Variants in PMFBP1 observed in about 807,000 individuals in gnomAD.
The protein encoded by PMFBP1 is polyamine modulated factor 1 binding protein 1.
Under a neutral mutation model 137.8 loss-of-function variants are expected in PMFBP1, and 131 were observed. That is an observed-to-expected ratio of 0.95 (90% CI 0.82 to 1.10). The LOEUF (loss-of-function observed/expected upper bound fraction) is 1.10, where lower values mean the gene tolerates loss of function less well. Ranked by LOEUF, PMFBP1 falls within the 50% of genes least tolerant of loss-of-function variation. The pLI, the probability that PMFBP1 is intolerant of heterozygous loss-of-function variation, is 0.00. For missense variants in PMFBP1, 1,199 were observed against 1,175.4 expected (o/e 1.02, Z -0.29); for synonymous variants, 490 against 450.4 (o/e 1.09, Z -1.11).
chr16:72,187,335 C>A, the PMFBP1 span, among the ~76,000 whole-genome samples: 1 of 152,242 alleles, frequency 6.6e-6, no homozygotes, highest in Non-Finnish European at 1.5e-5. Context: ...ACATTCAACT[C>A]ATTGGGTTAA....
At chr16:72,124,205 C>G (rs1349427848) in intron 17 of PMFBP1, among the ~76,000 whole-genome samples, 1 of 152,182 alleles carries the variant, frequency 6.6e-6, no homozygotes, top group Non-Finnish European at 1.5e-5. Flanking sequence ...GAGATGAGGT[C>G]TTGCTATGTT....
intron 19 of PMFBP1, among the ~76,000 whole-genome samples, chr16:72,120,316 A>G (rs997232146): frequency 1.3e-5 from 2 of 151,986 alleles, no homozygotes; most frequent in Non-Finnish European, 2.9e-5. Flanking sequence ...CTCCTGCCCA[A>G]CTCTGCCAGC....
the PMFBP1 span, among the ~76,000 whole-genome samples, chr16:72,212,882 C>G: frequency 1.3e-5 from 2 of 152,166 alleles, no homozygotes; most frequent in Non-Finnish European, 2.9e-5. Context: ...ATCTTAATAG[C>G]TGTATTTCAT....
the PMFBP1 span, among the ~76,000 whole-genome samples, chr16:72,218,292 T>C: frequency 6.6e-6 from 1 of 152,184 alleles, no homozygotes; most frequent in Non-Finnish European, 1.5e-5. Context: ...AGAAATGCCT[T>C]GAAAAACTAT....
intron 1 of PMFBP1, 132 bp downstream of exon 1, chr16:72,171,922 A>G (rs987719492): frequency 2.0e-5 from 3 of 152,158 alleles, no homozygotes; most frequent in Non-Finnish European, 4.4e-5. Context: ...GAAACCAAAG[A>G]TCTTTGCACA....
Position 72,139,383 on chromosome 16 carries a change from T to G in PMFBP1, c.824A>C (p.Lys275Thr). ...CSNALVLERE[K>T]ALIKLQADFA... ...ATCGGCTTGTAGTTTTATCAAAGCC[T>G]TTTCACGCTCCAGAACCTGCAAATA... The change falls in exon 7 of 21, where the codon AAG (lysine) becomes ACG (threonine). Residue 275 changes from lysine (K) to threonine (T), a missense_variant. Lys to Thr is a moderately conservative substitution (Grantham distance 78). Coordinates refer to ENST00000237353, the MANE Select transcript of PMFBP1 (RefSeq NM_031293.3). 1.2e-6 allele frequency: 2 copies of G among 1,613,782 alleles called. No individual in the cohort carries two copies. Among genetic ancestry groups the G allele is most frequent in the Non-Finnish European group, 1.7e-6 (2 of 1,179,808 alleles).
At chr16:72,143,370 C>T (rs1181242236) in intron 5 of PMFBP1, among the ~76,000 whole-genome samples, 1 of 152,144 alleles carries the variant, frequency 6.6e-6, no homozygotes, top group East Asian at 1.9e-4. Flanking sequence ...TAGGAAAATC[C>T]AAGACAGTCA....
rs765489875 is a variant in PMFBP1, at chr16:72,130,251, T to A, written c.1744A>T (p.Met582Leu). The change falls in exon 12 of 21, where the codon ATG becomes TTG. Residue 582 changes from methionine to leucine, a missense_variant. Physicochemically the swap from Met to Leu is conservative, Grantham distance 15 (BLOSUM62 2). Coordinates refer to ENST00000237353, the MANE Select transcript of PMFBP1 (RefSeq NM_031293.3). Reference protein sequence around the residue: ...QLQKTVAEQDMKMNDMLDRIK... With the variant: ...QLQKTVAEQDLKMNDMLDRIK... ...CGATCAAGCATGTCATTCATTTTCA[T>A]ATCCTGCTCAGCCACTGTCTTCTGA... 1 of 1,614,024 alleles carries A rather than the reference T, an allele frequency of 6.2e-7. No individual in the cohort carries two copies. Among genetic ancestry groups the A allele is most frequent in the Non-Finnish European group, 8.5e-7 (1 of 1,180,044 alleles).
intron 5 of PMFBP1, 41 bp downstream of exon 5, chr16:72,150,567 C>T (rs756462264): frequency 1.9e-6 from 3 of 1,588,498 alleles, no homozygotes; most frequent in Non-Finnish European, 2.6e-6. Context: ...CCTGGGAGCA[C>T]ATCCACTTGC....
the PMFBP1 span, among the ~76,000 whole-genome samples, chr16:72,194,164 A>C: frequency 6.6e-6 from 1 of 152,278 alleles, no homozygotes; most frequent in Non-Finnish European, 1.5e-5. Context: ...CCATGTTTTC[A>C]AGTATTCCCT....
At chr16:72,176,912 T>A (rs182765749), upstream of PMFBP1, 5 of 152,388 alleles carry the variant, frequency 3.3e-5, no homozygotes, top group Non-Finnish European at 5.9e-5. Context: ...TCCACAGATA[T>A]GTTTCTCAAA....
downstream of PMFBP1, among the ~76,000 whole-genome samples, chr16:72,117,795 T>A (rs2042323672): frequency 6.6e-6 from 1 of 152,260 alleles, no homozygotes; most frequent in Non-Finnish European, 1.5e-5. Flanking sequence ...AATTCCTTGG[T>A]TATTTCTTAA....
the PMFBP1 span, among the ~76,000 whole-genome samples, chr16:72,233,783 C>T: frequency 6.6e-6 from 1 of 152,114 alleles, no homozygotes; most frequent in Admixed American, 6.6e-5. Context: ...TTATTTTCTA[C>T]CTCCATGGAT....
At chr16:72,211,086 A>G in the PMFBP1 span, among the ~76,000 whole-genome samples, 4 of 152,198 alleles carry the variant, frequency 2.6e-5, no homozygotes, top group Non-Finnish European at 5.9e-5. Context: ...GAGATTCTAC[A>G]ATGCACTTAA....
chr16:72,155,956 T>C (rs1412577622), intron 3 of PMFBP1, among the ~76,000 whole-genome samples: 1 of 152,130 alleles, frequency 6.6e-6, no homozygotes, highest in Non-Finnish European at 1.5e-5. Context: ...TTGTATAATA[T>C]GTCATTTTTT....
At chr16:72,154,735 A>C (rs1461934102) in intron 3 of PMFBP1, among the ~76,000 whole-genome samples, 3 of 152,186 alleles carry the variant, frequency 2.0e-5, no homozygotes, top group Non-Finnish European at 4.4e-5. Context: ...ATATACACAT[A>C]AAGGACCTAG....
chr16:72,248,712 C>A, the PMFBP1 span, among the ~76,000 whole-genome samples: 1 of 152,188 alleles, frequency 6.6e-6, no homozygotes. Context: ...AAATCAACTT[C>A]TGGTTCATTC....
At chr16:72,245,209 G>T in the PMFBP1 span, among the ~76,000 whole-genome samples, 4 of 152,084 alleles carry the variant, frequency 2.6e-5, no homozygotes, top group African/African-American at 4.8e-5. Context: ...AATAACAGCA[G>T]TTATAATAAT....
the PMFBP1 span, among the ~76,000 whole-genome samples, chr16:72,196,198 T>C: frequency 6.6e-6 from 1 of 152,118 alleles, no homozygotes; most frequent in African/African-American, 2.4e-5. Flanking sequence ...CAACCCCTCC[T>C]CCTGCTCCCA....
Sources: gnomAD v4.1 joint callset for allele counts (sites outside exome capture counted in the v4.1 genomes callset) on GRCh38, gnomAD v4.1.1 for gene constraint, MANE v1.5 for transcripts, NCBI Gene and HGNC (gene_info 2026-07-23, HGNC 2026-07-21) for gene names.